FOXP2: variants seen among roughly 807,000 people sequenced by gnomAD.
The protein encoded by FOXP2 is forkhead box P2.
Under a neutral mutation model 115.8 loss-of-function variants are expected in FOXP2, and 12 were observed. That is an observed-to-expected ratio of 0.10 (90% CI 0.07 to 0.17). The LOEUF (loss-of-function observed/expected upper bound fraction) is 0.17, where lower values mean the gene tolerates loss of function less well. Ranked by LOEUF, FOXP2 falls within the 10% of genes least tolerant of loss-of-function variation. The pLI is 1.00. For synonymous variants in FOXP2, 328 were observed against 297.7 expected (o/e 1.10, Z -1.05); for missense variants, 629 against 843.5 (o/e 0.75, Z 3.15).
rs2694939 is a variant in FOXP2, at chr7:114,354,168, C to T, written c.-11+66059C>T. ...TTGAGACATCTATCTTCTCCTTCCC[C>T]GGGATATTGATACTTCTGGTTCTTG... is the stretch of plus-strand genomic sequence containing the variant. On this transcript the variant is annotated intron_variant, in intron 2 of 17. Coordinates refer to the FOXP2 transcript ENST00000634411. Among the ~76,000 whole-genome samples, 389 of 152,164 alleles carry T rather than the reference C, an allele frequency of 2.6e-3. 1 individual carries two copies. The highest frequency in any genetic ancestry group is 9.0e-3 in the African/African-American group (374 of 41,490).
At chr7:114,464,461 T>C (rs534966218) in intron 2 of FOXP2, among the ~76,000 whole-genome samples, 4 of 152,194 alleles carry the variant, frequency 2.6e-5, no homozygotes, top group African/African-American at 7.2e-5. Flanking sequence ...TTGTAGGTTG[T>C]CTGTATGAAA....
chr7:114,635,919 A>C (rs1377404041), intron 6 of FOXP2, among the ~76,000 whole-genome samples: 2 of 152,194 alleles, frequency 1.3e-5, no homozygotes, highest in East Asian at 3.8e-4. Flanking sequence ...ATTTTTGTTA[A>C]TATCAGATGT....
chr7:114,127,309 A>G (rs1396820134), intron 1 of FOXP2, among the ~76,000 whole-genome samples: 1 of 152,118 alleles, frequency 6.6e-6, no homozygotes, highest in African/African-American at 2.4e-5. Context: ...CCCTCAATGG[A>G]TCTTGTTTAT....
intron 2 of FOXP2, among the ~76,000 whole-genome samples, chr7:114,295,261 A>T: frequency 6.6e-6 from 1 of 152,324 alleles, no homozygotes; most frequent in East Asian, 1.9e-4. Flanking sequence ...ATCAAGTATG[A>T]ACCAGCATCA....
At chr7:114,647,425 A>G (rs997049256) in intron 8 of FOXP2, among the ~76,000 whole-genome samples, 2 of 151,300 alleles carry the variant, frequency 1.3e-5, no homozygotes, top group Non-Finnish European at 3.0e-5. Flanking sequence ...ATTCTTATAT[A>G]TTCTTTAATT....
chr7:114,547,775 A>G (rs1800004852), intron 3 of FOXP2, among the ~76,000 whole-genome samples: 1 of 152,088 alleles, frequency 6.6e-6, no homozygotes, highest in Non-Finnish European at 1.5e-5. Flanking sequence ...AAAGAAATGT[A>G]TGTGATTACA....
intron 1 of FOXP2, among the ~76,000 whole-genome samples, chr7:114,173,667 T>C (rs1396243388): frequency 2.0e-5 from 3 of 152,090 alleles, no homozygotes; most frequent in South Asian, 2.1e-4. Flanking sequence ...TTGATTTGTC[T>C]TGGCCAAAGC....
intron 2 of FOXP2, among the ~76,000 whole-genome samples, chr7:114,350,791 T>A (rs1791466887): frequency 6.6e-6 from 1 of 152,156 alleles, no homozygotes; most frequent in East Asian, 1.9e-4. Flanking sequence ...CATATTTTTA[T>A]TATATTTCTT....
chr7:114,122,885 G>A (rs10242355), intron 1 of FOXP2, among the ~76,000 whole-genome samples: 38,194 of 151,606 alleles, frequency 0.25, 7,364 homozygotes, highest in African/African-American at 0.52. Context: ...TGATTTTTCC[G>A]GTAAGCATAA....
intron 2 of FOXP2, among the ~76,000 whole-genome samples, chr7:114,444,337 G>A (rs1361287185): frequency 1.3e-5 from 2 of 152,114 alleles, no homozygotes; most frequent in East Asian, 3.8e-4. Flanking sequence ...TTAAGGGCTG[G>A]CTGAACATGG....
intron 2 of FOXP2, among the ~76,000 whole-genome samples, chr7:114,505,575 A>C (rs753510431): frequency 9.2e-5 from 14 of 151,542 alleles, no homozygotes; most frequent in Non-Finnish European, 1.8e-4. Flanking sequence ...CTCCAAAAAA[A>C]AAAAATCAAC....
chr7:114,416,119 T>G (rs1447604317), intron 1 of FOXP2, among the ~76,000 whole-genome samples: 1 of 151,996 alleles, frequency 6.6e-6, no homozygotes, highest in Non-Finnish European at 1.5e-5. Context: ...CACTTTTCAT[T>G]CTGTCTGCTT....
chr7:114,088,563 A>G (rs1562960210), intron 1 of FOXP2, among the ~76,000 whole-genome samples: 1 of 152,246 alleles, frequency 6.6e-6, no homozygotes, highest in Non-Finnish European at 1.5e-5. Context: ...AGGCTCTCCT[A>G]ACTCAAATAG....
rs1794837690 is a variant in FOXP2, at chr7:114,446,440, C to T, written c.168+19761C>T. Among the ~76,000 whole-genome samples the T allele has an allele frequency of 2.0e-5, 3 of 152,050 alleles. No individual in the cohort carries two copies. In the South Asian group the frequency reaches 6.2e-4, roughly 32 times the overall value. On this transcript the variant is annotated intron_variant, in intron 2 of 16. Transcript: ENST00000350908. Reference sequence around the variant, plus strand: ...AAAACAGCCAAAATTAATACCTCCACTCTTGGAGCTAATAATCTATTAATA... The same window carrying T: ...AAAACAGCCAAAATTAATACCTCCATTCTTGGAGCTAATAATCTATTAATA...
intron 2 of FOXP2, among the ~76,000 whole-genome samples, chr7:114,452,702 G>A (rs183130639): frequency 6.6e-6 from 1 of 152,166 alleles, no homozygotes; most frequent in Non-Finnish European, 1.5e-5. Context: ...GTGGTGTGCA[G>A]CATCAAGATG....
intron 1 of FOXP2, among the ~76,000 whole-genome samples, chr7:114,168,087 T>C (rs545419089): frequency 1.3e-5 from 2 of 152,272 alleles, no homozygotes; most frequent in South Asian, 2.1e-4. Flanking sequence ...TATTAAACTG[T>C]TTTCCTGTAT....
intron 1 of FOXP2, among the ~76,000 whole-genome samples, chr7:114,193,497 A>G (rs1183945481): frequency 6.6e-6 from 1 of 151,868 alleles, no homozygotes. Context: ...TGATATAATT[A>G]CATAATATAA....
chr7:114,468,440 G>A (rs1691382182), intron 2 of FOXP2, among the ~76,000 whole-genome samples: 1 of 152,058 alleles, frequency 6.6e-6, no homozygotes. Context: ...AACTACTTAA[G>A]GTGACATTGA....
intron 2 of FOXP2, among the ~76,000 whole-genome samples, chr7:114,408,149 T>C (rs1321211298): frequency 2.0e-5 from 3 of 152,188 alleles, no homozygotes; most frequent in Non-Finnish European, 4.4e-5. Context: ...CATTTTGGCA[T>C]CAAGTTATTT....
Sources: allele counts gnomAD v4.1 joint callset (sites outside exome capture counted in the v4.1 genomes callset), GRCh38; gene constraint gnomAD v4.1.1; transcripts MANE v1.5; gene names NCBI Gene and HGNC (gene_info 2026-07-23, HGNC 2026-07-21).